Variants in ARHGAP10 observed in about 807,000 individuals in gnomAD.
The protein encoded by ARHGAP10 is Rho GTPase activating protein 10, also known as rho GTPase-activating protein 10.
ARHGAP10 carries 87 observed loss-of-function variants against 108.6 expected under a neutral mutation model. That is an observed-to-expected ratio of 0.80 (90% CI 0.67 to 0.96). The LOEUF (loss-of-function observed/expected upper bound fraction) is 0.96. Ranked by LOEUF, ARHGAP10 falls within the 40% of genes least tolerant of loss-of-function variation. The pLI is 0.00. For synonymous variants in ARHGAP10, 347 were observed against 341.1 expected (o/e 1.02, Z -0.19); for missense variants, 939 against 954.5 (o/e 0.98, Z 0.21).
chr4:147,989,675 C>T (rs1740193493), intron 18 of ARHGAP10, among the ~76,000 whole-genome samples: 1 of 152,228 alleles, frequency 6.6e-6, no homozygotes, highest in South Asian at 2.1e-4. Flanking sequence ...CTCTCTTATT[C>T]CCTGAACAAT....
In ARHGAP10 at chr4:147,949,017, G is replaced by A. The variant is rs547971243; in HGVS notation, c.1391+2313G>A. Among the ~76,000 whole-genome samples, 9 of 151,920 alleles carry A rather than the reference G, an allele frequency of 5.9e-5. 1 individual carries two copies. The highest frequency in any genetic ancestry group is 2.2e-4 in the African/African-American group (9 of 41,458). Reference sequence around the variant, plus strand: ...AAAAAACAGAATCCATTGTAGTGGTGGTATATTCTTTCTGTTGTTTCCCAT... The same window carrying A: ...AAAAAACAGAATCCATTGTAGTGGTAGTATATTCTTTCTGTTGTTTCCCAT... On this transcript the variant is annotated intron_variant, in intron 15 of 22. Transcript: ENST00000336498.
chr4:147,952,897 TAGTTC>T (rs1261228145), intron 15 of ARHGAP10, among the ~76,000 whole-genome samples: 1 of 152,030 alleles, frequency 6.6e-6, no homozygotes, highest in Non-Finnish European at 1.5e-5. Context: ...GTTTTACACT[TAGTTC>T]TGTGATCCAT....
At chr4:147,838,233 T>C (rs1222073242) in intron 3 of ARHGAP10, among the ~76,000 whole-genome samples, 1 of 152,172 alleles carries the variant, frequency 6.6e-6, no homozygotes, top group African/African-American at 2.4e-5. Context: ...ACCTAAAATC[T>C]TTCTGATGCT....
intron 18 of ARHGAP10, among the ~76,000 whole-genome samples, chr4:148,008,592 G>A (rs775253138): frequency 2.0e-5 from 3 of 151,874 alleles, no homozygotes; most frequent in Non-Finnish European, 4.4e-5. Flanking sequence ...AATGCTAATA[G>A]TGCTGAGATT....
chr4:147,910,318 T>C (rs1736681045), intron 12 of ARHGAP10, among the ~76,000 whole-genome samples: 1 of 151,708 alleles, frequency 6.6e-6, no homozygotes, highest in African/African-American at 2.4e-5. Context: ...TCACCTTGCC[T>C]GGCCTATGGG....
chr4:147,965,137 T>C lies in ARHGAP10; in HGVS notation c.1556+8T>C, dbSNP rs1739157591. ...GGTGAAACACTTAACAAAGTAAGCC[T>C]CTTTTTCTTCGTTTTAACTTTCTTC... On this transcript the variant is annotated splice_region_variant and intron_variant, in intron 17 of 22. Transcript: ENST00000336498. 1 of 1,588,040 alleles carries C rather than the reference T, an allele frequency of 6.3e-7. No individual in the cohort carries two copies. The highest frequency in any genetic ancestry group is 1.1e-5 in the South Asian group (1 of 87,234).
chr4:147,835,373 TTC>T (rs1733125195), intron 3 of ARHGAP10, among the ~76,000 whole-genome samples: 1 of 152,218 alleles, frequency 6.6e-6, no homozygotes, highest in South Asian at 2.1e-4. Context: ...CTCACATTTT[TTC>T]TTTTTCTTTT....
At chr4:148,064,595 G>T in intron 22 of ARHGAP10, 88 bp downstream of exon 22, 1 of 1,221,130 alleles carries the variant, frequency 8.2e-7, no homozygotes, top group South Asian at 1.3e-5. Context: ...CGATGGTGCT[G>T]TTGTCGGGAG....
At chr4:147,952,954 G>T (rs888803018) in intron 15 of ARHGAP10, among the ~76,000 whole-genome samples, 1 of 151,966 alleles carries the variant, frequency 6.6e-6, no homozygotes, top group African/African-American at 2.4e-5. Flanking sequence ...ATGAATTCAA[G>T]TTCATTTTTG....
chr4:147,879,593 G>A (rs1326209819), intron 9 of ARHGAP10, among the ~76,000 whole-genome samples: 2 of 151,456 alleles, frequency 1.3e-5, no homozygotes, highest in South Asian at 2.1e-4. Flanking sequence ...TGTGCACAAC[G>A]TGCAGGTTTG....
intron 3 of ARHGAP10, among the ~76,000 whole-genome samples, chr4:147,835,375 CT>C (rs1271050142): frequency 6.6e-6 from 1 of 151,990 alleles, no homozygotes; most frequent in Non-Finnish European, 1.5e-5. Context: ...CACATTTTTT[CT>C]TTTTCTTTTC....
chr4:147,997,305 TAAGA>T (rs898659397), intron 18 of ARHGAP10, among the ~76,000 whole-genome samples: 4 of 152,160 alleles, frequency 2.6e-5, no homozygotes, highest in African/African-American at 9.7e-5. Flanking sequence ...ATAACTGATC[TAAGA>T]AAGAGAAGAA....
intron 8 of ARHGAP10, among the ~76,000 whole-genome samples, chr4:147,876,338 A>G (rs1255930515): frequency 6.6e-6 from 1 of 152,196 alleles, no homozygotes; most frequent in Admixed American, 6.5e-5. Flanking sequence ...CACACTTGTA[A>G]TCCCAGCACT....
intron 8 of ARHGAP10, 142 bp downstream of exon 8, chr4:147,875,292 A>G (rs1735013012): frequency 4.2e-6 from 4 of 960,212 alleles, no homozygotes; most frequent in South Asian, 2.5e-5. Context: ...TAATGGGTGT[A>G]TATTTCATGT....
intron 1 of ARHGAP10, among the ~76,000 whole-genome samples, chr4:147,801,052 C>T (rs1731560299): frequency 6.6e-6 from 1 of 152,236 alleles, no homozygotes; most frequent in African/African-American, 2.4e-5. Context: ...GTGATCTGCC[C>T]ACCTCTGCAT....
At chr4:148,039,870 A>G (rs1468560331) in intron 19 of ARHGAP10, among the ~76,000 whole-genome samples, 1 of 151,890 alleles carries the variant, frequency 6.6e-6, no homozygotes, top group Admixed American at 6.6e-5. Flanking sequence ...CCTCCTCTGA[A>G]TTTGTTTCTG....
At chr4:147,798,697 C>T (rs1407425287) in intron 1 of ARHGAP10, among the ~76,000 whole-genome samples, 1 of 144,640 alleles carries the variant, frequency 6.9e-6, no homozygotes, top group Non-Finnish European at 1.5e-5. Context: ...CAAGGTGGTG[C>T]ATTACGTGAG....
intron 18 of ARHGAP10, among the ~76,000 whole-genome samples, chr4:147,967,947 T>C (rs1578742587): frequency 2.0e-5 from 3 of 152,344 alleles, no homozygotes; most frequent in African/African-American, 4.8e-5. Context: ...GTCTCTTCTT[T>C]ATTAAGAACT....
rs746947669 is a variant in ARHGAP10, at chr4:148,023,391, T to C, written c.1845T>C (p.Asn615=). ...QRTKRPVAVY[N]LCLELEDGDN... ...CCAAGAGGCCCGTGGCCGTCTACAA[T>C]CTTTGTCTGGAGCTGGAAGATGGTA... The change falls in exon 19 of 23, where the codon AAT becomes AAC. Residue 615 remains asparagine, a synonymous_variant. Transcript: ENST00000336498. The C allele has an allele frequency of 1.5e-5, 25 of 1,613,652 alleles. No individual in the cohort carries two copies. The highest frequency in any genetic ancestry group is 2.1e-5 in the Non-Finnish European group (25 of 1,179,776).
Sources: gnomAD v4.1 joint callset for allele counts (sites outside exome capture counted in the v4.1 genomes callset) on GRCh38, gnomAD v4.1.1 for gene constraint, MANE v1.5 for transcripts, NCBI Gene and HGNC (gene_info 2026-07-23, HGNC 2026-07-21) for gene names.